The following DENND2A variants were observed in gnomAD, a reference collection of about 807,000 sequenced individuals.
DENND2A encodes the protein DENN domain-containing protein 2A.
Under a neutral mutation model 105.3 loss-of-function variants are expected in DENND2A, and 53 were observed. That is an observed-to-expected ratio of 0.50 (90% CI 0.40 to 0.63). The LOEUF is 0.63. Ranked by LOEUF, DENND2A falls within the 30% of genes least tolerant of loss-of-function variation. The pLI is 0.00. For synonymous variants in DENND2A, 522 were observed against 508.4 expected, an observed-to-expected ratio of 1.03 and a Z score of -0.36; for missense variants, 1,138 against 1,279.6, an observed-to-expected ratio of 0.89 and a Z score of 1.69.
intron 3 of DENND2A, among the ~76,000 whole-genome samples, chr7:140,588,640 C>T (rs980202681): frequency 3.9e-5 from 6 of 152,084 alleles, no homozygotes; most frequent in African/African-American, 1.4e-4. Flanking sequence ...GTCATGCTGC[C>T]CAGGTTGGTT....
chr7:140,552,427 T>C (rs1160869234), intron 12 of DENND2A, among the ~76,000 whole-genome samples: 1 of 151,684 alleles, frequency 6.6e-6, no homozygotes, highest in African/African-American at 2.4e-5. Context: ...AGGGTCTCAC[T>C]ATATTGCCAA....
Position 140,559,651 on chromosome 7 carries a change from C to A in DENND2A, c.1889+57G>T. The stretch of plus-strand genomic sequence containing the variant: ...TCATGTGGTCTGCCACCTGTAACCC[C>A]GTCTCTAAGTCTCGCCTTAGTCTTT... On this transcript the variant is annotated intron_variant, in intron 10 of 19. Transcript: ENST00000496613. The surrounding 1 kb of genome is among the most constrained non-coding windows in gnomAD (Gnocchi z 4.1). The A allele has an allele frequency of 1.5e-6, 2 of 1,302,588 alleles. No homozygotes were observed. The highest frequency in any genetic ancestry group is 2.2e-6 in the Non-Finnish European group (2 of 902,966). 80.7% of individuals were successfully genotyped at this position (1,302,588 alleles called of 1,614,324 possible). A position where few individuals can be genotyped will look rare whatever the true frequency, so the allele number is the denominator to read the frequency against.
chr7:140,518,844 C>T, intron 19 of DENND2A, 106 bp from the exon 20 acceptor site: 1 of 971,596 alleles, frequency 1.0e-6, no homozygotes, highest in Non-Finnish European at 1.6e-6. Context: ...GCCCCCACGC[C>T]ACCCCAGGGA....
chr7:140,601,112 T>C (rs558472007), intron 3 of DENND2A, among the ~76,000 whole-genome samples: 1 of 152,330 alleles, frequency 6.6e-6, no homozygotes, highest in South Asian at 2.1e-4. Context: ...AAGTCCTTCA[T>C]TTAACTCTTG....
At chr7:140,601,079 T>C (rs1422409557) in intron 3 of DENND2A, among the ~76,000 whole-genome samples, 1 of 152,124 alleles carries the variant, frequency 6.6e-6, no homozygotes, top group Non-Finnish European at 1.5e-5. Flanking sequence ...GACTACCAAG[T>C]TGTAGACTGC....
At chr7:140,589,968 T>G (rs1441046047) in intron 3 of DENND2A, among the ~76,000 whole-genome samples, 1 of 152,204 alleles carries the variant, frequency 6.6e-6, no homozygotes, top group Non-Finnish European at 1.5e-5. Flanking sequence ...AATTTCGAAA[T>G]GATAAAGTAC....
intron 3 of DENND2A, among the ~76,000 whole-genome samples, chr7:140,595,060 GC>G (rs1434866817): frequency 6.6e-6 from 1 of 152,028 alleles, no homozygotes; most frequent in Non-Finnish European, 1.5e-5. Flanking sequence ...AGGCTAGAAT[GC>G]AGTGGCAGGA....
chr7:140,537,568 A>C (rs192759863), intron 14 of DENND2A, among the ~76,000 whole-genome samples: 1 of 152,348 alleles, frequency 6.6e-6, no homozygotes, highest in African/African-American at 2.4e-5. Flanking sequence ...CAGCCTCCTG[A>C]GTAGCTGGAA....
chr7:140,569,110 G>C (rs185504306), intron 7 of DENND2A, among the ~76,000 whole-genome samples: 2 of 152,204 alleles, frequency 1.3e-5, no homozygotes, highest in East Asian at 3.9e-4. Context: ...TTTTTTAGTA[G>C]AGACAAGGTT....
intron 1 of DENND2A, among the ~76,000 whole-genome samples, chr7:140,631,917 G>A (rs117746178): frequency 1.9e-3 from 292 of 152,144 alleles, no homozygotes; most frequent in Middle Eastern, 6.8e-3. Context: ...CCAAATCTGC[G>A]GCTGAGAGAC....
chr7:140,621,618 G>A (rs1800296434), intron 1 of DENND2A, among the ~76,000 whole-genome samples: 2 of 152,146 alleles, frequency 1.3e-5, no homozygotes, highest in Non-Finnish European at 2.9e-5. Context: ...TTATAGTCAC[G>A]TAATTCATTC....
At chr7:140,535,980 G>A (rs975430097) in intron 14 of DENND2A, among the ~76,000 whole-genome samples, 1 of 152,166 alleles carries the variant, frequency 6.6e-6, no homozygotes, top group Non-Finnish European at 1.5e-5. Flanking sequence ...TCAAAAGAAC[G>A]AAGGGTGTCA....
chr7:140,609,693 A>G (rs1202535452), intron 1 of DENND2A, among the ~76,000 whole-genome samples: 1 of 152,200 alleles, frequency 6.6e-6, no homozygotes. Flanking sequence ...TCTAACATCT[A>G]TAGCTGATTA....
intron 1 of DENND2A, among the ~76,000 whole-genome samples, chr7:140,623,120 A>C (rs1374440696): frequency 6.8e-6 from 1 of 147,340 alleles, no homozygotes; most frequent in East Asian, 2.2e-4. Context: ...AGATTACCTG[A>C]ACTCAGGAGT....
chr7:140,573,964 C>T lies in DENND2A; in HGVS notation c.1290G>A (p.Arg430=). The T allele has an allele frequency of 6.2e-7, 1 of 1,614,156 alleles. No individual in the cohort carries two copies. Among genetic ancestry groups the T allele is most frequent in the South Asian group, 1.1e-5 (1 of 91,080 alleles). ...KPAFFRQNSE[R]RNFKLLDTRK... ...TAGTGTCCAGCAGCTTGAAGTTCCTCCTCTCTGAATTTTGTCGGAAAAAAG... is the reference window on the plus strand; with the variant it reads ...TAGTGTCCAGCAGCTTGAAGTTCCTTCTCTCTGAATTTTGTCGGAAAAAAG... The change falls in exon 6 of 20, where the codon AGG becomes AGA. Residue 430 remains arginine (R), a synonymous_variant. Transcript: ENST00000496613.
intron 14 of DENND2A, among the ~76,000 whole-genome samples, chr7:140,540,150 G>A (rs1236705637): frequency 6.6e-6 from 1 of 152,186 alleles, no homozygotes; most frequent in African/African-American, 2.4e-5. Context: ...TCTCACACTC[G>A]CACACCATTA....
At chr7:140,518,785 G>A in intron 19 of DENND2A, 47 bp from the exon 20 acceptor site, 3 of 1,599,894 alleles carry the variant, frequency 1.9e-6, no homozygotes, top group East Asian at 2.2e-5. Context: ...GACAAAGGAG[G>A]GTGAGATAAA....
intron 1 of DENND2A, among the ~76,000 whole-genome samples, chr7:140,637,282 A>G (rs558702564): frequency 1.1e-4 from 17 of 152,340 alleles, no homozygotes; most frequent in Admixed American, 4.6e-4. Context: ...ATCTGATTGG[A>G]GGGGTAGAAT....
At position 140,559,794 on chromosome 7, in the gene DENND2A, C is replaced by A. The variant is rs1277158726; in HGVS notation, c.1803G>T (p.Met601Ile). ...CCTTCAGTTGGTCCTCAGCTTCTCT[C>A]ATGAACTTGAAAGACCTTTCCAACT... Reference protein sequence around the residue: ...PLKLERSFKFMREAEDQLKAI... With the variant: ...PLKLERSFKFIREAEDQLKAI... The change falls in exon 10 of 20, where the codon ATG (methionine) becomes ATT (isoleucine). Residue 601 changes from methionine to isoleucine, a missense_variant. Met to Ile is a conservative substitution (Grantham distance 10). This residue lies in a region of DENND2A where 627 missense variants were observed against 779.8 expected (regional missense o/e 0.80). Coordinates refer to ENST00000496613, the MANE Select transcript of DENND2A (RefSeq NM_015689.5). The surrounding 1 kb of genome is among the most constrained non-coding windows in gnomAD (Gnocchi z 4.1). The A allele has an allele frequency of 6.2e-7, 1 of 1,613,970 alleles. No homozygotes were observed. The highest frequency in any genetic ancestry group is 1.3e-5 in the African/African-American group (1 of 74,932).
Sources: gnomAD v4.1 joint callset for allele counts (sites outside exome capture counted in the v4.1 genomes callset) on GRCh38, gnomAD v4.1.1 for gene constraint, gnomAD v4.1.1 regional missense constraint, Gnocchi (gnomAD v3.1) non-coding constraint, MANE v1.5 for transcripts, NCBI Gene and HGNC (gene_info 2026-07-23, HGNC 2026-07-21) for gene names.